Variants in PLCD1 observed in about 807,000 individuals in gnomAD.
PLCD1 encodes 1-phosphatidylinositol 4,5-bisphosphate phosphodiesterase delta-1.
In PLCD1, 71 loss-of-function variants were observed where a neutral mutation model predicts 87.4. That is an observed-to-expected ratio of 0.81 (90% CI 0.67 to 0.99). PLCD1 has a LOEUF of 0.99. Ranked by LOEUF, PLCD1 falls within the 50% of genes least tolerant of loss-of-function variation. PLCD1 has a pLI of 0.00. For missense variants in PLCD1, 867 were observed against 1,001.5 expected (o/e 0.87, Z 1.81); for synonymous variants, 348 against 399.2 (o/e 0.87, Z 1.53).
In PLCD1 at chr3:38,011,285, T is replaced by C; in HGVS notation, c.719A>G (p.Gln240Arg). The change falls in exon 5 of 15, where the codon CAG (glutamine) becomes CGG (arginine). Residue 240 changes from glutamine to arginine, a missense_variant. Transcript: ENST00000334661. Reference protein sequence around the residue: ...VDQLVTFLQHQQREEAAGPAL... With the variant: ...VDQLVTFLQHRQREEAAGPAL... The stretch of plus-strand genomic sequence containing the variant: ...AGGCCCTGCCGCCTCCTCCCGCTGC[T>C]GGTGCTGCAGGAACGTCACTAACTG... The C allele has an allele frequency of 6.2e-7, 1 of 1,611,964 alleles. No individual in the cohort carries two copies. The highest frequency in any genetic ancestry group is 8.5e-7 in the Non-Finnish European group (1 of 1,180,022).
rs1559370396 is a variant in PLCD1, at chr3:38,008,507, C to CG, written c.1852dup (p.Arg618ProfsTer31). The CG allele has an allele frequency of 6.2e-7, 1 of 1,614,144 alleles. No individual in the cohort carries two copies. The highest frequency in any genetic ancestry group is 1.7e-5 in the Admixed American group (1 of 60,024). On this transcript the variant is annotated frameshift_variant, in exon 12 of 15. Coordinates refer to ENST00000334661, the MANE Select transcript of PLCD1 (RefSeq NM_006225.4). LOFTEE classifies it high-confidence loss of function. ...CCACCAGGGCCCCTGAGCCAGGGCGCGGGGGTTAAAGGTGCCGTTGGGGTC... is the reference window on the plus strand; with the variant it reads ...CCACCAGGGCCCCTGAGCCAGGGCGCGGGGGGTTAAAGGTGCCGTTGGGGTC...
intron 1 of PLCD1, among the ~76,000 whole-genome samples, chr3:38,022,233 G>A (rs1700246158): frequency 6.6e-6 from 1 of 152,210 alleles, no homozygotes; most frequent in Non-Finnish European, 1.5e-5. Context: ...CTTAGCCCAA[G>A]GGGAGTCCCA....
rs148984703 is a variant in PLCD1, at chr3:38,011,675, T to A, written c.429-2A>T. On this transcript the variant is annotated splice_acceptor_variant, in intron 3 of 14. Coordinates refer to ENST00000334661, the MANE Select transcript of PLCD1 (RefSeq NM_006225.4). LOFTEE classifies it high-confidence loss of function. ...TTTCGCAAGCAGGAGTGAATCCAGC[T>A]GGGCAAGAAGTAAGGAAAGAACCCA... The A allele has an allele frequency of 6.2e-7, 1 of 1,614,058 alleles. No individual in the cohort carries two copies. The highest frequency in any genetic ancestry group is 1.7e-5 in the Admixed American group (1 of 60,010).
chr3:38,008,768 T>C, intron 11 of PLCD1, 132 bp from the exon 12 acceptor site: 1 of 803,508 alleles, frequency 1.2e-6, no homozygotes, highest in Non-Finnish European at 2.1e-6. Context: ...CAATGCCTGC[T>C]GCCCTCCTGC....
chr3:38,011,199 T>C lies in PLCD1; in HGVS notation c.790+15A>G. 1 of 1,594,130 alleles carries C rather than the reference T, an allele frequency of 6.3e-7. No individual in the cohort carries two copies. Among genetic ancestry groups the C allele is most frequent in the Non-Finnish European group, 8.6e-7 (1 of 1,169,424 alleles). ...CCCTGCGACTGCAGGTAGCAGGCCCTGGTCAGGCTCTCACCAGTCTCGCTG... is the reference window on the plus strand; with the variant it reads ...CCCTGCGACTGCAGGTAGCAGGCCCCGGTCAGGCTCTCACCAGTCTCGCTG... On this transcript the variant is annotated intron_variant, in intron 5 of 14. Transcript: ENST00000334661.
At chr3:38,022,937 T>C (rs1453762000) in intron 1 of PLCD1, among the ~76,000 whole-genome samples, 2 of 151,840 alleles carry the variant, frequency 1.3e-5, no homozygotes, top group Admixed American at 6.6e-5. Context: ...AGCAAAAACT[T>C]TCAATAGCAA....
intron 3 of PLCD1, among the ~76,000 whole-genome samples, chr3:38,011,922 C>T (rs1700084665): frequency 6.6e-6 from 1 of 152,036 alleles, no homozygotes; most frequent in South Asian, 2.1e-4. Context: ...CCACTGTAGA[C>T]AATTTAGAAA....
At chr3:38,013,374 G>A (rs565856430) in intron 3 of PLCD1, among the ~76,000 whole-genome samples, 356 of 151,728 alleles carry the variant, frequency 2.3e-3, no homozygotes, top group Non-Finnish European at 3.8e-3. Flanking sequence ...CACCACGCCC[G>A]GCTAATTTTT....
rs1160507373 is a variant in PLCD1, at chr3:38,010,193, T to C, written c.1075A>G (p.Thr359Ala). 7 of 1,614,192 alleles carry C rather than the reference T, an allele frequency of 4.3e-6. No homozygotes were observed. Among genetic ancestry groups the C allele is most frequent in the African/African-American group, 1.3e-5 (1 of 75,040 alleles). Residue 359 changes from threonine (T) to alanine (A), a missense_variant, in exon 7 of 15, where the codon ACT becomes GCT. Physicochemically the swap from Thr to Ala is moderately conservative, Grantham distance 58. Transcript: ENST00000334661. ...NQEPIIYHGY[T>A]FTSKILFCDV... Reference sequence around the variant, plus strand: ...CAGAAGAGGATCTTGGAAGTGAAAGTATAGCCGTGGTAGATGATTGGTTCC... The same window carrying C: ...CAGAAGAGGATCTTGGAAGTGAAAGCATAGCCGTGGTAGATGATTGGTTCC...
At chr3:38,011,814 G>T in intron 3 of PLCD1, 141 bp from the exon 4 acceptor site, 1 of 775,008 alleles carries the variant, frequency 1.3e-6, no homozygotes, top group Non-Finnish European at 2.2e-6. Flanking sequence ...TGTTTCAGTG[G>T]CCTCTTCAGA....
chr3:38,009,884 C>T lies in PLCD1; in HGVS notation c.1287+20G>A, dbSNP rs1216574625. On this transcript the variant is annotated intron_variant, in intron 8 of 14. Transcript: ENST00000334661. ...AGGCTCCCCACCCTCCCCCAGGGAT[C>T]CCCCATCCCCACCACACACCTCAGG... 2 of 1,583,610 alleles carry T rather than the reference C, an allele frequency of 1.3e-6. No homozygotes were observed. Among genetic ancestry groups the T allele is most frequent in the Middle Eastern group, 1.7e-4 (1 of 5,798 alleles).
At position 38,008,739 on chromosome 3, in the gene PLCD1, G is replaced by A. The variant is rs1559370632; in HGVS notation, c.1724-103C>T. 2.9e-6 allele frequency: 3 copies of A among 1,023,066 alleles called. No homozygotes were observed. In the African/African-American group the frequency reaches 4.8e-5, roughly 16 times the overall value. The allele number at this position is 1,023,066 out of a possible 1,614,324, so 63.4% of individuals were successfully genotyped here. ...AGGCCTAGGGTCACATGGTGAGTTA[G>A]CAGGGCCCAGCATCACTCCAATGCC... On this transcript the variant is annotated intron_variant, in intron 11 of 14. Coordinates refer to ENST00000334661, the MANE Select transcript of PLCD1 (RefSeq NM_006225.4).
At chr3:38,024,691 G>C in intron 1 of PLCD1, 1 of 1,495,180 alleles carries the variant, frequency 6.7e-7, no homozygotes, top group Non-Finnish European at 8.9e-7. Context: ...GTCCACGAGC[G>C]GCGGGACCTA....
chr3:38,012,172 C>CTTTTTTTTTTT, intron 3 of PLCD1, among the ~76,000 whole-genome samples: 1 of 131,950 alleles, frequency 7.6e-6, no homozygotes, highest in South Asian at 2.4e-4. Context: ...CCACGCCTGG[C>CTTTTTTTTTTT]TTTTTTTTTT....
chr3:38,011,186 A>C (rs1048871525), intron 5 of PLCD1, 28 bp downstream of exon 5: 2 of 1,542,316 alleles, frequency 1.3e-6, no homozygotes, highest in Non-Finnish European at 1.8e-6. Flanking sequence ...CTGCGACTGC[A>C]GGTAGCAGGC....
intron 3 of PLCD1, among the ~76,000 whole-genome samples, chr3:38,013,348 G>T (rs1356690999): frequency 1.3e-5 from 2 of 151,792 alleles, no homozygotes; most frequent in Non-Finnish European, 2.9e-5. Flanking sequence ...AAGTAGCTGG[G>T]ACTACAGGCG....
chr3:38,009,622 G>A, intron 9 of PLCD1, 31 bp downstream of exon 9: 1 of 1,613,584 alleles, frequency 6.2e-7, no homozygotes, highest in Non-Finnish European at 8.5e-7. Flanking sequence ...GGAAGGCCCG[G>A]GCTGCCCCAC....
chr3:38,010,904 TA>T (rs144107999), intron 5 of PLCD1, among the ~76,000 whole-genome samples: 8 of 147,474 alleles, frequency 5.4e-5, no homozygotes, highest in African/African-American at 7.5e-5. Context: ...CAAGAATGAG[TA>T]AAAAAAAAAG....
rs747543553 is a variant in PLCD1, at chr3:38,009,343, G to T, written c.1535C>A (p.Thr512Asn). The change falls in exon 10 of 15, where the codon ACC (threonine) becomes AAC (asparagine). Residue 512 changes from threonine (T) to asparagine (N), a missense_variant. Transcript: ENST00000334661. Reference sequence around the variant, plus strand: ...CATCTCGTAGAAGGCCTGTCCAGGGGTGCCAGGACTGGAGAAGCCCCCAAA... The same window carrying T: ...CATCTCGTAGAAGGCCTGTCCAGGGTTGCCAGGACTGGAGAAGCCCCCAAA... ...VHFGGFSSPG[T>N]PGQAFYEMAS... The T allele has an allele frequency of 6.2e-7, 1 of 1,614,006 alleles. No homozygotes were observed. Among genetic ancestry groups the T allele is most frequent in the Non-Finnish European group, 8.5e-7 (1 of 1,179,824 alleles).
Sources: gnomAD v4.1 joint callset for allele counts (sites outside exome capture counted in the v4.1 genomes callset) on GRCh38, gnomAD v4.1.1 for gene constraint, MANE v1.5 for transcripts, NCBI Gene and HGNC (gene_info 2026-07-23, HGNC 2026-07-21) for gene names.